XYLT1: variants seen among roughly 807,000 people sequenced by gnomAD.
XYLT1 encodes xylosyltransferase 1.
A neutral mutation model predicts 91.3 loss-of-function variants in XYLT1; 36 were observed. The ratio of observed to expected loss-of-function variants is 0.39; its 90% CI spans 0.30 to 0.52. The LOEUF is 0.52. Among genes scored for constraint, XYLT1 ranks in the 20% least tolerant of loss-of-function variants. The probability of loss-of-function intolerance (pLI) is 0.68; values close to 1 mark genes in which losing one functional copy is unlikely to be tolerated. For missense variants in XYLT1, 1,242 were observed against 1,284.5 expected (o/e 0.97, Z 0.51); for synonymous variants, 588 against 532.0 (o/e 1.11, Z -1.45).
intron 1 of XYLT1, among the ~76,000 whole-genome samples, chr16:17,360,791 T>G (rs1431444618): frequency 2.0e-5 from 3 of 152,218 alleles, no homozygotes; most frequent in Non-Finnish European, 4.4e-5. Flanking sequence ...AAATTGGGAC[T>G]CTTTGGTTTA....
intron 3 of XYLT1, among the ~76,000 whole-genome samples, chr16:17,217,761 G>A (rs1381463899): frequency 6.6e-6 from 1 of 152,140 alleles, no homozygotes; most frequent in Non-Finnish European, 1.5e-5. Context: ...AGTACGGGCG[G>A]CCAGGGGAGG....
At chr16:17,189,112 T>C (rs1421629135) in intron 5 of XYLT1, among the ~76,000 whole-genome samples, 1 of 152,150 alleles carries the variant, frequency 6.6e-6, no homozygotes, top group Non-Finnish European at 1.5e-5. Flanking sequence ...GAGAAGTATC[T>C]TCACTGGGCT....
At chr16:17,192,078 GTC>G (rs1208941855) in intron 5 of XYLT1, among the ~76,000 whole-genome samples, 3 of 148,388 alleles carry the variant, frequency 2.0e-5, no homozygotes, top group Admixed American at 1.3e-4. Context: ...GAGGCGTGAG[GTC>G]TCTCTCTCTC....
chr16:17,322,198 C>T (rs188483875), intron 2 of XYLT1, among the ~76,000 whole-genome samples: 1 of 152,254 alleles, frequency 6.6e-6, no homozygotes, highest in Non-Finnish European at 1.5e-5. Context: ...GCCAAAGTCA[C>T]AAGACTTGTA....
chr16:17,444,783 C>T (rs891773715), intron 1 of XYLT1, among the ~76,000 whole-genome samples: 2 of 152,164 alleles, frequency 1.3e-5, no homozygotes, highest in Non-Finnish European at 2.9e-5. Flanking sequence ...ACAGATGTGT[C>T]GCAAGAACCT....
intron 11 of XYLT1, among the ~76,000 whole-genome samples, chr16:17,110,701 T>C (rs1384291841): frequency 6.6e-6 from 1 of 152,244 alleles, no homozygotes. Flanking sequence ...GGGCTGGTTT[T>C]ATCATTCCTA....
chr16:17,166,574 C>T (rs1183597996), intron 5 of XYLT1, among the ~76,000 whole-genome samples: 11 of 151,712 alleles, frequency 7.3e-5, no homozygotes, highest in Non-Finnish European at 1.0e-4. Context: ...TGCAGTGGCA[C>T]GATCTCCGCT....
intron 2 of XYLT1, among the ~76,000 whole-genome samples, chr16:17,299,438 G>T (rs1473144840): frequency 1.3e-5 from 2 of 152,178 alleles, no homozygotes; most frequent in Middle Eastern, 3.2e-3. Context: ...CTTCCTCAAG[G>T]AACTTCCAGA....
intron 5 of XYLT1, chr16:17,193,014 T>C (rs1260825986): frequency 6.6e-6 from 1 of 152,078 alleles, no homozygotes; most frequent in Non-Finnish European, 1.5e-5. Flanking sequence ...GGTTTCATCA[T>C]GTTGGCCAGG....
At chr16:17,238,203 G>A (rs552373386) in intron 3 of XYLT1, among the ~76,000 whole-genome samples, 1 of 152,294 alleles carries the variant, frequency 6.6e-6, no homozygotes, top group South Asian at 2.1e-4. Flanking sequence ...CCTTTTTGAA[G>A]ACAATGGCAA....
intron 1 of XYLT1, among the ~76,000 whole-genome samples, chr16:17,380,085 C>T (rs907470246): frequency 1.3e-5 from 2 of 151,950 alleles, no homozygotes; most frequent in African/African-American, 2.4e-5. Flanking sequence ...GTCGGGAGTT[C>T]GAGACCAGCC....
At chr16:17,443,759 T>C (rs932819860) in intron 1 of XYLT1, among the ~76,000 whole-genome samples, 7 of 152,220 alleles carry the variant, frequency 4.6e-5, no homozygotes, top group Non-Finnish European at 7.3e-5. Context: ...TGGGACATTA[T>C]ATAAATACAC....
At chr16:17,406,895 G>T (rs2141907225) in intron 1 of XYLT1, among the ~76,000 whole-genome samples, 1 of 152,286 alleles carries the variant, frequency 6.6e-6, no homozygotes, top group South Asian at 2.1e-4. Flanking sequence ...GTATGCAACA[G>T]AAAAATAAAA....
At chr16:17,346,236 C>T (rs979248931) in intron 2 of XYLT1, among the ~76,000 whole-genome samples, 2 of 152,210 alleles carry the variant, frequency 1.3e-5, no homozygotes, top group African/African-American at 4.8e-5. Context: ...CCACGAGGCC[C>T]GTTCTCACCT....
chr16:17,452,020 G>A (rs550838236), intron 1 of XYLT1, among the ~76,000 whole-genome samples: 1 of 152,108 alleles, frequency 6.6e-6, no homozygotes, highest in Non-Finnish European at 1.5e-5. Context: ...CCCCTAACCC[G>A]CCCATCCTAA....
At chr16:17,145,012 C>G (rs201513201) in intron 6 of XYLT1, among the ~76,000 whole-genome samples, 1 of 152,226 alleles carries the variant, frequency 6.6e-6, no homozygotes, top group African/African-American at 2.4e-5. Context: ...ACCCCATACA[C>G]ATTACACAGC....
At chr16:17,367,512 A>C (rs1320802293) in intron 1 of XYLT1, among the ~76,000 whole-genome samples, 1 of 152,176 alleles carries the variant, frequency 6.6e-6, no homozygotes, top group African/African-American at 2.4e-5. Context: ...CCCAACTGGA[A>C]CCAATACTGC....
At chr16:17,187,476 A>G (rs1479964854) in intron 5 of XYLT1, among the ~76,000 whole-genome samples, 1 of 146,436 alleles carries the variant, frequency 6.8e-6, no homozygotes, top group Non-Finnish European at 1.5e-5. Flanking sequence ...CTGAGGGATG[A>G]GAATCACTTG....
intron 3 of XYLT1, among the ~76,000 whole-genome samples, chr16:17,205,110 C>A (rs567022706): frequency 1.3e-5 from 2 of 152,060 alleles, no homozygotes; most frequent in African/African-American, 4.8e-5. Flanking sequence ...CCAGGTTTAT[C>A]GAGAGAGAAT....
Sources: gnomAD v4.1 joint callset for allele counts (sites outside exome capture counted in the v4.1 genomes callset) on GRCh38, gnomAD v4.1.1 for gene constraint, MANE v1.5 for transcripts, NCBI Gene and HGNC (gene_info 2026-07-23, HGNC 2026-07-21) for gene names.